HSDL1: variants seen among roughly 807,000 people sequenced by gnomAD.
The protein encoded by HSDL1 is hydroxysteroid dehydrogenase like 1.
HSDL1 carries 29 observed loss-of-function variants against 31.5 expected under a neutral mutation model. The observed-to-expected ratio is 0.92, with a 90% CI of 0.69 to 1.26. The LOEUF (loss-of-function observed/expected upper bound fraction) is 1.26, where lower values mean the gene tolerates loss of function less well. Among genes scored for constraint, HSDL1 ranks in the 50% most tolerant of loss-of-function variants. The pLI, the probability that HSDL1 is intolerant of heterozygous loss-of-function variation, is 0.00. For synonymous variants in HSDL1, 222 were observed against 155.2 expected (o/e 1.43, Z -3.20); for missense variants, 503 against 416.6 (o/e 1.21, Z -1.81).
intron 5 of HSDL1, among the ~76,000 whole-genome samples, chr16:84,125,555 T>C (rs958013389): frequency 6.6e-6 from 1 of 150,710 alleles, no homozygotes; most frequent in Non-Finnish European, 1.5e-5. Flanking sequence ...TACCCACCAA[T>C]CAATCACAAC....
chr16:84,130,457 G>C (rs561413768), intron 3 of HSDL1, 26 bp from the exon 4 acceptor site: 47 of 1,575,578 alleles, frequency 3.0e-5, no homozygotes, highest in Middle Eastern at 4.6e-4. Flanking sequence ...GGAAAAGTGA[G>C]CATGTGTATT....
chr16:84,140,550 C>A (rs1293813274), intron 1 of HSDL1, among the ~76,000 whole-genome samples: 1 of 151,966 alleles, frequency 6.6e-6, no homozygotes. Context: ...CAGGCGTGAG[C>A]CACTGCACCT....
rs1287548633 is a variant in HSDL1 at position 84,130,128 on chromosome 16, T to C, written c.524A>G (p.Asn175Ser). 1.2e-6 allele frequency: 2 copies of C among 1,614,202 alleles called. No homozygotes were observed. Among genetic ancestry groups the C allele is most frequent in the Non-Finnish European group, 1.7e-6 (2 of 1,180,048 alleles). Residue 175 changes from asparagine to serine, a missense_variant, in exon 4 of 6, where the codon AAT becomes AGT. Coordinates refer to ENST00000219439, the MANE Select transcript of HSDL1 (RefSeq NM_031463.5). ...LSEDKLWDII[N>S]VNIAAASLMV... is the part of the protein sequence containing the mutation. ...CAAACTAGCGGCGGCAATGTTCACA[T>C]TTATGATGTCCCAGAGCTTGTCCTC...
chr16:84,124,629 C>T lies in HSDL1; in HGVS notation c.*1G>A. On this transcript the variant is annotated 3_prime_UTR_variant, in exon 6 of 6. Coordinates refer to ENST00000219439, the MANE Select transcript of HSDL1 (RefSeq NM_031463.5). ...AAAACTTCTCAAGTGGCCATCCAGA[C>T]TCAGGCTGTGCAGGATAAGGCTTCC... 1.2e-6 allele frequency: 2 copies of T among 1,605,886 alleles called. No individual in the cohort carries two copies. Among genetic ancestry groups the T allele is most frequent in the Non-Finnish European group, 1.7e-6 (2 of 1,172,402 alleles).
At chr16:84,129,836 A>T (rs1341846367) in intron 4 of HSDL1, 61 bp from the exon 5 acceptor site, 1 of 1,479,076 alleles carries the variant, frequency 6.8e-7, no homozygotes, top group Non-Finnish European at 9.3e-7. Context: ...AATTCAGGAG[A>T]AAAAAAGACT....
At chr16:84,127,984 G>A (rs1275767426) in intron 5 of HSDL1, among the ~76,000 whole-genome samples, 1 of 149,812 alleles carries the variant, frequency 6.7e-6, no homozygotes, top group Non-Finnish European at 1.5e-5. Context: ...CTCCCAAAGT[G>A]CTGGGATTAC....
intron 1 of HSDL1, among the ~76,000 whole-genome samples, chr16:84,136,859 C>G (rs964353303): frequency 1.3e-5 from 2 of 152,138 alleles, no homozygotes; most frequent in Non-Finnish European, 2.9e-5. Context: ...TGGATAGAAA[C>G]CCAAGTTCTT....
Position 84,131,029 on chromosome 16 carries a change from T to C in HSDL1, c.220+73A>G, listed in dbSNP as rs190279442. 6.2e-4 allele frequency: 760 copies of C among 1,218,510 alleles called. 2 individuals carry two copies. Among genetic ancestry groups the C allele is most frequent in the Non-Finnish European group, 5.0e-4 (422 of 851,332 alleles). 75.5% of individuals were successfully genotyped at this position (1,218,510 alleles called of 1,614,324 possible). On this transcript the variant is annotated intron_variant, in intron 3 of 5. Coordinates refer to ENST00000219439, the MANE Select transcript of HSDL1 (RefSeq NM_031463.5). ...AGCATGTTCCCATAAAAACACCACA[T>C]TAAATTCAATAGCTCCTTGAATAAT...
chr16:84,138,826 C>T (rs1012742734), intron 1 of HSDL1, among the ~76,000 whole-genome samples: 1 of 152,170 alleles, frequency 6.6e-6, no homozygotes, highest in East Asian at 1.9e-4. Context: ...ACTACAAAAG[C>T]GTCACGGGAC....
Position 84,131,531 on chromosome 16 carries a change from A to ATCTG in HSDL1, c.-6-205_-6-204insCAGA, listed in dbSNP as rs1413446155. On this transcript the variant is annotated intron_variant, in intron 2 of 5. Coordinates refer to ENST00000219439, the MANE Select transcript of HSDL1 (RefSeq NM_031463.5). ...TATCTATCTATCTATCTATCTATCT[A>ATCTG]TCAGACAGAGTCTCACCCTGTCGCC... Among the ~76,000 whole-genome samples, 13 of 146,686 alleles carry ATCTG rather than the reference A, an allele frequency of 8.9e-5. No individual in the cohort carries two copies. In the South Asian group the frequency reaches 2.6e-3, roughly 30 times the overall value.
rs2086582396 is a variant in HSDL1, at chr16:84,124,451, C to G, written c.*179G>C. On this transcript the variant is annotated 3_prime_UTR_variant, in exon 6 of 6. Transcript: ENST00000219439. ...CATTATTGATCCTGTGCCATCCACA[C>G]ACCCTTAAGGTTTTTCACAGCACTC... The G allele has an allele frequency of 3.8e-6, 2 of 531,442 alleles. No homozygotes were observed. The highest frequency in any genetic ancestry group is 7.0e-6 in the Non-Finnish European group (2 of 286,956). The allele number at this position is 531,442 out of a possible 1,614,324, so 32.9% of individuals were successfully genotyped here.
intron 5 of HSDL1, among the ~76,000 whole-genome samples, chr16:84,126,105 A>G (rs1375366960): frequency 1.5e-5 from 2 of 132,358 alleles, no homozygotes; most frequent in Non-Finnish European, 3.4e-5. Context: ...TCTGTCTCAA[A>G]AAAAAAAAAA....
At chr16:84,134,218 A>G (rs2086692212) in intron 2 of HSDL1, among the ~76,000 whole-genome samples, 2 of 152,166 alleles carry the variant, frequency 1.3e-5, no homozygotes, top group Non-Finnish European at 2.9e-5. Context: ...GGATATGCTG[A>G]TGACGGGCAC....
In HSDL1 at chr16:84,141,094, CA is replaced by C. The variant is rs57277096; in HGVS notation, c.-69+3985del. Among the ~76,000 whole-genome samples, 36 of 126,702 alleles carry C rather than the reference CA, an allele frequency of 2.8e-4. 1 individual carries two copies. The highest frequency in any genetic ancestry group is 8.6e-4 in the African/African-American group (21 of 24,488). The allele number at this position is 126,702 out of a possible 152,430, so 83.1% of individuals were successfully genotyped here. On this transcript the variant is annotated intron_variant, in intron 1 of 5. Transcript: ENST00000219439. ...CGACAGAACGAGACTCCGTCTCAAACAAAAAAAAAAACAGTATTGCTAAGTT... is the reference window on the plus strand; with the variant it reads ...CGACAGAACGAGACTCCGTCTCAAACAAAAAAAAAACAGTATTGCTAAGTT...
rs141540482 is a variant in HSDL1 at position 84,126,253 on chromosome 16, G to A, written c.895-1525C>T. 2.7e-3 allele frequency among the ~76,000 whole-genome samples: 412 copies of A among 152,280 alleles called. 1 individual carries two copies. The highest frequency in any genetic ancestry group is 4.4e-3 in the Admixed American group (68 of 15,294). ...ACAAGAAAACAGGTCAGAAACACCA[G>A]TACCTTGGGATGGTATCTTGACCTA... On this transcript the variant is annotated intron_variant, in intron 5 of 5. Transcript: ENST00000219439.
intron 5 of HSDL1, among the ~76,000 whole-genome samples, chr16:84,126,675 C>A (rs774253059): frequency 6.6e-6 from 1 of 152,090 alleles, no homozygotes; most frequent in African/African-American, 2.4e-5. Flanking sequence ...TAATAGAGGT[C>A]ATTCAATCCT....
At chr16:84,143,109 A>C (rs934895114) in intron 1 of HSDL1, among the ~76,000 whole-genome samples, 2 of 152,242 alleles carry the variant, frequency 1.3e-5, no homozygotes, top group Non-Finnish European at 2.9e-5. Context: ...CAGATACCCA[A>C]GATAATTAGA....
At chr16:84,130,584 G>T (rs1223816369) in intron 3 of HSDL1, among the ~76,000 whole-genome samples, 153 bp from the exon 4 acceptor site, 3 of 152,210 alleles carry the variant, frequency 2.0e-5, no homozygotes, top group Non-Finnish European at 4.4e-5. Context: ...CACTGTTGCT[G>T]AATGAGGAAT....
intron 2 of HSDL1, among the ~76,000 whole-genome samples, chr16:84,134,970 G>A (rs1276229081): frequency 1.3e-5 from 2 of 151,968 alleles, no homozygotes; most frequent in South Asian, 2.1e-4. Context: ...ACGGTGGCTC[G>A]CGCCTGTAGT....
Sources: gnomAD v4.1 joint callset for allele counts (sites outside exome capture counted in the v4.1 genomes callset) on GRCh38, gnomAD v4.1.1 for gene constraint, MANE v1.5 for transcripts, NCBI Gene and HGNC (gene_info 2026-07-23, HGNC 2026-07-21) for gene names.